The following ZNF536 variants were observed in gnomAD, a reference collection of about 807,000 sequenced individuals.
The protein encoded by ZNF536 is zinc finger protein 536.
In ZNF536, 13 loss-of-function variants were observed where a neutral mutation model predicts 84.5. That is an observed-to-expected ratio of 0.15 (90% CI 0.10 to 0.24). ZNF536 has a LOEUF of 0.24. ZNF536 is among the 10% of genes least tolerant of loss of function. The pLI is 1.00. For missense variants in ZNF536, 1,536 were observed against 1,747.5 expected, an observed-to-expected ratio of 0.88 and a Z score of 2.16; for synonymous variants, 811 against 742.5, an observed-to-expected ratio of 1.09 and a Z score of -1.50.
chr19:30,302,051 G>A (rs1029584857), intron 2 of ZNF536, among the ~76,000 whole-genome samples: 8 of 149,848 alleles, frequency 5.3e-5, no homozygotes, highest in African/African-American at 1.2e-4. Context: ...TTTTAGCAAC[G>A]TATACAAATA....
intron 1 of ZNF536, among the ~76,000 whole-genome samples, chr19:30,384,161 T>TTTCTTTCG (rs1221612484): frequency 7.8e-5 from 9 of 115,194 alleles, no homozygotes; most frequent in African/African-American, 3.2e-4. Flanking sequence ...TCTTTCTTTC[T>TTTCTTTCG]TTCGTTTCCT....
chr19:30,245,668 A>C (rs1373898351), intron 1 of ZNF536, among the ~76,000 whole-genome samples: 2 of 152,204 alleles, frequency 1.3e-5, no homozygotes, highest in Non-Finnish European at 2.9e-5. Context: ...TTGTCTCTCT[A>C]TTGAAAATAT....
intron 2 of ZNF536, among the ~76,000 whole-genome samples, chr19:30,330,959 C>G (rs1043488802): frequency 6.6e-6 from 1 of 152,062 alleles, no homozygotes; most frequent in African/African-American, 2.4e-5. Flanking sequence ...GCACTTCCAG[C>G]AATGGACTGG....
chr19:30,326,791 CTTTTTTTTT>C (rs869076590), intron 2 of ZNF536, among the ~76,000 whole-genome samples: 34 of 51,972 alleles, frequency 6.5e-4, no homozygotes, highest in South Asian at 2.4e-3. Context: ...TTATAAAAAG[CTTTTTTTTT>C]TTTTTTTTTT....
intron 1 of ZNF536, among the ~76,000 whole-genome samples, chr19:30,385,081 G>T (rs1306579094): frequency 1.3e-5 from 2 of 152,092 alleles, no homozygotes; most frequent in African/African-American, 4.8e-5. Context: ...GCCAGTCCTT[G>T]TCACCTGCAG....
chr19:30,251,298 A>G (rs896602809), intron 1 of ZNF536, among the ~76,000 whole-genome samples: 2 of 152,202 alleles, frequency 1.3e-5, no homozygotes, highest in African/African-American at 4.8e-5. Flanking sequence ...GTGGACAATG[A>G]TGAAATGATG....
chr19:30,696,743 C>CTCTG (rs2051676865), intron 1 of ZNF536, among the ~76,000 whole-genome samples: 1 of 152,198 alleles, frequency 6.6e-6, no homozygotes, highest in Admixed American at 6.5e-5. Flanking sequence ...CTGAAGCCAA[C>CTCTG]ACCTGGTGGG....
At chr19:30,488,120 A>T (rs1162352851) in intron 2 of ZNF536, among the ~76,000 whole-genome samples, 1 of 152,122 alleles carries the variant, frequency 6.6e-6, no homozygotes, top group East Asian at 1.9e-4. Flanking sequence ...ATTCTTCTTC[A>T]TGGGATCTGA....
intron 1 of ZNF536, among the ~76,000 whole-genome samples, chr19:30,670,534 G>A (rs1180064269): frequency 6.6e-6 from 1 of 152,246 alleles, no homozygotes; most frequent in Non-Finnish European, 1.5e-5. Flanking sequence ...TGTCATCGTT[G>A]TCTTCTCGGC....
At chr19:30,229,416 A>G (rs2022844330) in intron 1 of ZNF536, among the ~76,000 whole-genome samples, 1 of 152,218 alleles carries the variant, frequency 6.6e-6, no homozygotes, top group South Asian at 2.1e-4. Context: ...TATTGAAAAT[A>G]TGTAATATTA....
At chr19:30,530,037 C>A (rs1192074979) in intron 2 of ZNF536, among the ~76,000 whole-genome samples, 1 of 152,174 alleles carries the variant, frequency 6.6e-6, no homozygotes, top group Non-Finnish European at 1.5e-5. Flanking sequence ...GAGGGCCTCC[C>A]CGCCTGCAGC....
intron 1 of ZNF536, among the ~76,000 whole-genome samples, chr19:30,232,381 C>T (rs1238949235): frequency 7.2e-5 from 11 of 152,112 alleles, no homozygotes; most frequent in African/African-American, 2.7e-4. Flanking sequence ...TGCATCCCGT[C>T]ACCCAGGTAG....
At chr19:30,678,163 G>T (rs2050825360) in intron 1 of ZNF536, among the ~76,000 whole-genome samples, 1 of 152,222 alleles carries the variant, frequency 6.6e-6, no homozygotes, top group Admixed American at 6.5e-5. Context: ...AGAAGCAAGG[G>T]GGTGCTGTCT....
intron 2 of ZNF536, among the ~76,000 whole-genome samples, chr19:30,530,907 A>T (rs2044782915): frequency 6.6e-6 from 1 of 152,166 alleles, no homozygotes; most frequent in South Asian, 2.1e-4. Flanking sequence ...AGTTCAGCAC[A>T]CACATCCTCA....
rs568430515 is a variant in ZNF536, at chr19:30,574,358, C to T, written c.169+24844C>T. 2.6e-5 allele frequency among the ~76,000 whole-genome samples: 4 copies of T among 152,320 alleles called. No homozygotes were observed. In the South Asian group the frequency reaches 6.2e-4, roughly 24 times the overall value. Reference sequence around the variant, plus strand: ...AGAAGCCAGGATCCCAGGTGGGTTCCTCTGCAAAGAAAGGCCCAGAGGTGC... The same window carrying T: ...AGAAGCCAGGATCCCAGGTGGGTTCTTCTGCAAAGAAAGGCCCAGAGGTGC... On this transcript the variant is annotated intron_variant, in intron 1 of 1. Coordinates refer to the ZNF536 transcript ENST00000592773.
intron 2 of ZNF536, among the ~76,000 whole-genome samples, chr19:30,312,544 C>A (rs963529996): frequency 6.6e-6 from 1 of 152,276 alleles, no homozygotes; most frequent in East Asian, 1.9e-4. Flanking sequence ...GATTATTTTT[C>A]TTTTTGTATT....
chr19:30,317,804 G>A (rs753872579), intron 2 of ZNF536, among the ~76,000 whole-genome samples: 13 of 152,278 alleles, frequency 8.5e-5, no homozygotes, highest in Admixed American at 5.2e-4. Flanking sequence ...CTTCTGAGAC[G>A]CCCACACATC....
intron 2 of ZNF536, among the ~76,000 whole-genome samples, chr19:30,338,853 T>C: frequency 6.6e-6 from 1 of 152,200 alleles, no homozygotes; most frequent in East Asian, 1.9e-4. Context: ...ATCTTGGGCA[T>C]GCTAGTTAAC....
intron 1 of ZNF536, among the ~76,000 whole-genome samples, chr19:30,435,237 T>C (rs2051679576): frequency 6.6e-6 from 1 of 151,502 alleles, no homozygotes; most frequent in African/African-American, 2.4e-5. Context: ...GTGATAGTGA[T>C]GATGATGGTG....
Sources: allele counts gnomAD v4.1 joint callset (sites outside exome capture counted in the v4.1 genomes callset), GRCh38; gene constraint gnomAD v4.1.1; transcripts MANE v1.5; gene names NCBI Gene and HGNC (gene_info 2026-07-23, HGNC 2026-07-21).